GPC5: variants seen among roughly 807,000 people sequenced by gnomAD.
GPC5 encodes the protein glypican-5.
GPC5 carries 47 observed loss-of-function variants against 53.9 expected under a neutral mutation model. The observed-to-expected ratio is 0.87, with a 90% CI of 0.69 to 1.11. GPC5 has a LOEUF of 1.11. Among genes scored for constraint, GPC5 ranks in the 50% most tolerant of loss-of-function variants. The probability of loss-of-function intolerance (pLI) is 0.00; values close to 1 mark genes in which losing one functional copy is unlikely to be tolerated. For missense variants in GPC5, 748 were observed against 713.1 expected, an observed-to-expected ratio of 1.05 and a Z score of -0.56; for synonymous variants, 286 against 263.3, an observed-to-expected ratio of 1.09 and a Z score of -0.84.
chr13:92,078,852 A>T (rs2041272951), intron 6 of GPC5, among the ~76,000 whole-genome samples: 1 of 152,098 alleles, frequency 6.6e-6, no homozygotes, highest in South Asian at 2.1e-4. Context: ...TGTTCAGGAT[A>T]ACACTATTCA....
intron 5 of GPC5, among the ~76,000 whole-genome samples, chr13:91,792,891 C>T (rs1324793708): frequency 6.6e-6 from 1 of 152,146 alleles, no homozygotes; most frequent in South Asian, 2.1e-4. Flanking sequence ...CTCTGAATAT[C>T]ACTATACTAA....
intron 5 of GPC5, among the ~76,000 whole-genome samples, chr13:91,798,682 T>G (rs7336461): frequency 0.36 from 54,485 of 151,862 alleles, 11,050 homozygotes; most frequent in African/African-American, 0.56. Context: ...ATGATTTATA[T>G]TCCTTTACGT....
intron 7 of GPC5, among the ~76,000 whole-genome samples, chr13:92,407,903 A>G (rs1471535289): frequency 1.3e-5 from 2 of 152,220 alleles, no homozygotes; most frequent in African/African-American, 4.8e-5. Flanking sequence ...ACTTCAATTT[A>G]TTTTACGTGA....
At chr13:92,313,906 T>G (rs1184715175) in intron 7 of GPC5, among the ~76,000 whole-genome samples, 1 of 152,206 alleles carries the variant, frequency 6.6e-6, no homozygotes, top group African/African-American at 2.4e-5. Context: ...TGGAGATTTT[T>G]CCATATCCAG....
chr13:92,398,087 G>A (rs1018459665), intron 7 of GPC5, among the ~76,000 whole-genome samples: 1 of 152,080 alleles, frequency 6.6e-6, no homozygotes, highest in African/African-American at 2.4e-5. Flanking sequence ...TTTGATATGT[G>A]TTCTACAACG....
chr13:91,752,110 G>A (rs770289892), intron 4 of GPC5, among the ~76,000 whole-genome samples: 11 of 152,190 alleles, frequency 7.2e-5, no homozygotes, highest in South Asian at 2.1e-4. Context: ...CTCTGTGCCT[G>A]TGTGTCCCTG....
chr13:91,647,805 A>C (rs1173125882), intron 2 of GPC5, among the ~76,000 whole-genome samples: 1 of 152,108 alleles, frequency 6.6e-6, no homozygotes, highest in Non-Finnish European at 1.5e-5. Flanking sequence ...TTTCATTGGC[A>C]CATCCCCTAA....
chr13:91,580,006 G>T (rs2032297336), intron 2 of GPC5, among the ~76,000 whole-genome samples: 1 of 151,934 alleles, frequency 6.6e-6, no homozygotes, highest in Non-Finnish European at 1.5e-5. Context: ...TATCATATAA[G>T]AGATATAATA....
chr13:91,593,672 A>T (rs7337548), intron 2 of GPC5, among the ~76,000 whole-genome samples: 1 of 152,220 alleles, frequency 6.6e-6, no homozygotes, highest in East Asian at 1.9e-4. Context: ...CCCAGCAGAA[A>T]TGAGTGTTGA....
chr13:92,674,999 T>C (rs1286403592), intron 7 of GPC5, among the ~76,000 whole-genome samples: 1 of 152,174 alleles, frequency 6.6e-6, no homozygotes, highest in South Asian at 2.1e-4. Flanking sequence ...GCAGTTTTTA[T>C]TGTTATCTTT....
chr13:92,703,664 T>A lies in GPC5; in HGVS notation c.1562-162618T>A, dbSNP rs148313493. 7.4e-3 allele frequency among the ~76,000 whole-genome samples: 1,110 copies of A among 150,434 alleles called. 17 individuals carry two copies. Among genetic ancestry groups the A allele is most frequent in the African/African-American group, 0.026 (1,069 of 41,306 alleles). On this transcript the variant is annotated intron_variant, in intron 7 of 7. Coordinates refer to ENST00000377067, the MANE Select transcript of GPC5 (RefSeq NM_004466.6). ...AAGATGTTATAAGTTTATTTAAAAA[T>A]TTATATTTATTCATAAAGAATATAA...
At chr13:92,702,798 G>A (rs970484885) in intron 7 of GPC5, among the ~76,000 whole-genome samples, 2 of 151,890 alleles carry the variant, frequency 1.3e-5, no homozygotes, top group Admixed American at 6.6e-5. Context: ...AAAGCTAATC[G>A]GTGTCTTGCA....
At chr13:92,796,692 A>G (rs1002901189) in intron 7 of GPC5, among the ~76,000 whole-genome samples, 1 of 151,862 alleles carries the variant, frequency 6.6e-6, no homozygotes, top group Non-Finnish European at 1.5e-5. Context: ...TTTTGTTTAA[A>G]TTTTCTTTTC....
intron 7 of GPC5, among the ~76,000 whole-genome samples, chr13:92,224,835 G>C (rs532840882): frequency 6.6e-6 from 1 of 152,286 alleles, no homozygotes; most frequent in African/African-American, 2.4e-5. Flanking sequence ...CTTGTGCCTG[G>C]TTTCTTACAG....
intron 7 of GPC5, among the ~76,000 whole-genome samples, chr13:92,311,652 A>G (rs898935535): frequency 2.6e-5 from 4 of 152,132 alleles, no homozygotes; most frequent in African/African-American, 4.8e-5. Flanking sequence ...GTGCAGGGTA[A>G]CTTCCCTTTA....
chr13:92,008,935 C>T lies in GPC5; in HGVS notation c.1401+100878C>T, dbSNP rs78723718. On this transcript the variant is annotated intron_variant, in intron 6 of 7. Transcript: ENST00000377067. ...CTTCAAATTCACCAATCTTTCCTTC[C>T]GCTATATCCAATATGCTTTTAATAC... 7.5e-4 allele frequency among the ~76,000 whole-genome samples: 114 copies of T among 152,028 alleles called. 1 individual carries two copies. The highest frequency in any genetic ancestry group is 2.6e-3 in the African/African-American group (106 of 41,476).
At chr13:92,787,259 G>A (rs561535505) in intron 7 of GPC5, among the ~76,000 whole-genome samples, 33 of 151,962 alleles carry the variant, frequency 2.2e-4, no homozygotes, top group Non-Finnish European at 4.4e-4. Context: ...TAGAGGAATT[G>A]GAGAATATCT....
At chr13:92,485,727 G>A (rs1342099244) in intron 7 of GPC5, among the ~76,000 whole-genome samples, 1 of 152,198 alleles carries the variant, frequency 6.6e-6, no homozygotes, top group African/African-American at 2.4e-5. Flanking sequence ...TGTAATCCCA[G>A]CACTTTGGGA....
chr13:91,573,183 C>T (rs1229748431), intron 2 of GPC5, among the ~76,000 whole-genome samples: 1 of 152,150 alleles, frequency 6.6e-6, no homozygotes. Context: ...TTCCTCGTTT[C>T]CAAGGCAGAG....
Sources: allele counts gnomAD v4.1 joint callset (sites outside exome capture counted in the v4.1 genomes callset), GRCh38; gene constraint gnomAD v4.1.1; transcripts MANE v1.5; gene names NCBI Gene and HGNC (gene_info 2026-07-23, HGNC 2026-07-21).